CRLF2: variants seen among roughly 807,000 people sequenced by gnomAD.
CRLF2 encodes cytokine receptor-like factor 2.
In CRLF2, 41 loss-of-function variants were observed where a neutral mutation model predicts 38.7. The observed-to-expected ratio is 1.06, with a 90% confidence interval of 0.83 to 1.37. CRLF2 has a LOEUF of 1.37. CRLF2 is among the 40% of genes most tolerant of loss of function. The pLI, the probability that CRLF2 is intolerant of heterozygous loss-of-function variation, is 0.00. For synonymous variants in CRLF2, 140 were observed against 128.8 expected (o/e 1.09, Z -0.59); for missense variants, 377 against 322.2 (o/e 1.17, Z -1.30).
At chrX:1,201,519 TGAGA>T (rs1555888113) in intron 4 of CRLF2, among the ~76,000 whole-genome samples, 1 of 9,942 alleles carries the variant, frequency 1.0e-4, no homozygotes, top group African/African-American at 2.7e-4. Flanking sequence ...GATAGAGCGA[TGAGA>T]GAGAGATAGA....
At chrX:1,207,039 G>A (rs1452372507) in intron 2 of CRLF2, among the ~76,000 whole-genome samples, 4 of 149,252 alleles carry the variant, frequency 2.7e-5, no homozygotes, top group Non-Finnish European at 4.4e-5. Flanking sequence ...TCTGCCTCCC[G>A]GGTTCAAGCG....
At position 1,196,772 on chromosome X, in the gene CRLF2, A is replaced by T; in HGVS notation, c.767+8T>A. ...CCTCCACCCACGGGCGGCAGGAGTC[A>T]TCCTTACCTCCATAATTTCCATAAA... On this transcript the variant is annotated splice_region_variant and intron_variant, in intron 6 of 7. Coordinates refer to ENST00000400841, the MANE Select transcript of CRLF2 (RefSeq NM_022148.4). The T allele has an allele frequency of 6.2e-7, 1 of 1,613,244 alleles. No individual in the cohort carries two copies. The highest frequency in any genetic ancestry group is 1.1e-5 in the South Asian group (1 of 91,026).
intron 4 of CRLF2, 73 bp downstream of exon 4, chrX:1,202,329 A>G (rs2086621745): frequency 6.3e-7 from 1 of 1,582,152 alleles, no homozygotes; most frequent in Non-Finnish European, 8.7e-7. Flanking sequence ...GTCTGATGAA[A>G]CAGCGAATCC....
intron 1 of CRLF2, 56 bp downstream of exon 1, chrX:1,212,500 T>C (rs2086822940): frequency 8.1e-7 from 1 of 1,229,502 alleles, no homozygotes; most frequent in African/African-American, 1.5e-5. Flanking sequence ...GAGTGCCTGG[T>C]TGCAAAGCAA....
intron 1 of CRLF2, among the ~76,000 whole-genome samples, chrX:1,209,820 C>T (rs1355675362): frequency 6.6e-6 from 1 of 151,838 alleles, no homozygotes; most frequent in Non-Finnish European, 1.5e-5. Context: ...CAGAAATGGA[C>T]TGGCCAGGTG....
rs1299827812 is a variant in CRLF2, at chrX:1,210,118, AAAGAAAAGAAAAG to A, written c.80-1223_80-1211del. 1.7e-4 allele frequency among the ~76,000 whole-genome samples: 8 copies of A among 48,010 alleles called. 1 individual carries two copies. The highest frequency in any genetic ancestry group is 2.3e-4 in the Non-Finnish European group (6 of 26,408). 31.5% of individuals were successfully genotyped at this position (48,010 alleles called of 152,430 possible). On this transcript the variant is annotated intron_variant, in intron 1 of 7. Coordinates refer to ENST00000400841, the MANE Select transcript of CRLF2 (RefSeq NM_022148.4). ...GACTCCCTATCAAAAAAAAAAAAGA[AAAGAAAAGAAAAG>A]AAAAGAAAAGAAAAGAAATGGGCCA...
chrX:1,195,929 C>A (rs1253777927), intron 6 of CRLF2, among the ~76,000 whole-genome samples: 91 of 137,208 alleles, frequency 6.6e-4, no homozygotes, highest in African/African-American at 2.3e-3. Flanking sequence ...ATATAGATTA[C>A]ATTAAATATA....
At chrX:1,197,011 T>G in intron 5 of CRLF2, 111 bp from the exon 6 acceptor site, 3 of 938,158 alleles carry the variant, frequency 3.2e-6, no homozygotes, top group Non-Finnish European at 4.5e-6. Context: ...TTTTTGGTGT[T>G]CGTTTTTTTT....
At chrX:1,201,496 A>T (rs1476479611) in intron 4 of CRLF2, among the ~76,000 whole-genome samples, 1 of 115,034 alleles carries the variant, frequency 8.7e-6, no homozygotes, top group Non-Finnish European at 1.9e-5. Context: ...AGATAGATAG[A>T]TGATACATAG....
Position 1,198,590 on chromosome X carries a change from C to G in CRLF2, c.618G>C (p.Val206=). Reference sequence around the variant, plus strand: ...GAATCTCGCCTCTCTGCCAGCATGTCACCTCTGACCAGTCGCTTGGGTATG... The same window carrying G: ...GAATCTCGCCTCTCTGCCAGCATGTGACCTCTGACCAGTCGCTTGGGTATG... ...PDTYPSDWSE[V]TCWQRGEIRD... is the part of the protein sequence containing the mutation. The change falls in exon 5 of 8, where the codon GTG becomes GTC. Residue 206 remains valine, a synonymous_variant. Transcript: ENST00000400841. 1 of 1,613,730 alleles carries G rather than the reference C, an allele frequency of 6.2e-7. No individual in the cohort carries two copies. Among genetic ancestry groups the G allele is most frequent in the Non-Finnish European group, 8.5e-7 (1 of 1,179,706 alleles).
At chrX:1,194,050 G>T (rs1438292315) in intron 6 of CRLF2, among the ~76,000 whole-genome samples, 2 of 151,900 alleles carry the variant, frequency 1.3e-5, no homozygotes, top group Non-Finnish European at 2.9e-5. Flanking sequence ...GCTTGAACCT[G>T]GGGGGCAGAG....
At chrX:1,209,284 TTGCATTGTATTGTAGTGTAGTGTAG>T (rs1267413325) in intron 1 of CRLF2, among the ~76,000 whole-genome samples, 4 of 129,616 alleles carry the variant, frequency 3.1e-5, no homozygotes, top group African/African-American at 1.1e-4. Context: ...TTGCATTGTA[TTGCATTGTATTGTAGTGTAGTGTAG>T]TGTAGTGTAG....
Position 1,191,163 on chromosome X carries a change from A to G in CRLF2, c.853-3T>C. Reference sequence around the variant, plus strand: ...TTCTGGGTGTCTGTGATCCACTCCTACCAGGAAGAACATTCTAGCTCAAAC... The same window carrying G: ...TTCTGGGTGTCTGTGATCCACTCCTGCCAGGAAGAACATTCTAGCTCAAAC... On this transcript the variant is annotated splice_region_variant and splice_polypyrimidine_tract_variant and intron_variant, in intron 7 of 7. Coordinates refer to ENST00000400841, the MANE Select transcript of CRLF2 (RefSeq NM_022148.4). 5.0e-6 allele frequency: 2 copies of G among 398,646 alleles called. No homozygotes were observed. The highest frequency in any genetic ancestry group is 8.8e-6 in the Non-Finnish European group (2 of 226,166). The allele number at this position is 398,646 out of a possible 1,614,324, so 24.7% of individuals were successfully genotyped here.
At position 1,200,199 on chromosome X, in the gene CRLF2, G is replaced by A. The variant is rs181127937; in HGVS notation, c.484-1475C>T. On this transcript the variant is annotated intron_variant, in intron 4 of 7. Coordinates refer to ENST00000400841, the MANE Select transcript of CRLF2 (RefSeq NM_022148.4). ...CTGTGTATATAAGCTGTGTATATGTGTGTATGTGTGTGTATATACGGTGTG... is the reference window on the plus strand; with the variant it reads ...CTGTGTATATAAGCTGTGTATATGTATGTATGTGTGTGTATATACGGTGTG... Among the ~76,000 whole-genome samples, 3 of 151,296 alleles carry A rather than the reference G, an allele frequency of 2.0e-5. No homozygotes were observed. In the East Asian group the frequency reaches 5.8e-4, roughly 29 times the overall value.
chrX:1,197,411 A>G (rs1297662742), intron 5 of CRLF2, among the ~76,000 whole-genome samples: 2 of 152,068 alleles, frequency 1.3e-5, no homozygotes, highest in Non-Finnish European at 2.9e-5. Flanking sequence ...AAGTAAGGGC[A>G]GGTCCAACAT....
At chrX:1,208,053 T>C (rs74539538) in intron 2 of CRLF2, among the ~76,000 whole-genome samples, 75,158 of 152,028 alleles carry the variant, frequency 0.49, 20,508 homozygotes, top group African/African-American at 0.73. Context: ...GCAATGTTCG[T>C]ACGCATACTT....
chrX:1,210,668 C>A (rs1270946198), intron 1 of CRLF2, among the ~76,000 whole-genome samples: 1 of 152,122 alleles, frequency 6.6e-6, no homozygotes, highest in Non-Finnish European at 1.5e-5. Flanking sequence ...TACAGTGAAC[C>A]TTGTCATGTT....
intron 4 of CRLF2, chrX:1,199,287 T>G (rs1455468176): frequency 6.6e-6 from 1 of 151,756 alleles, no homozygotes; most frequent in Non-Finnish European, 1.5e-5. Flanking sequence ...TGTATTTACT[T>G]TATTATTATT....
At chrX:1,209,392 C>T (rs765052680) in intron 1 of CRLF2, among the ~76,000 whole-genome samples, 39 of 151,394 alleles carry the variant, frequency 2.6e-4, no homozygotes, top group African/African-American at 7.3e-4. Flanking sequence ...ACTGCAGTGG[C>T]GCAATCTCGG....
Sources: allele counts gnomAD v4.1 joint callset (sites outside exome capture counted in the v4.1 genomes callset), GRCh38; gene constraint gnomAD v4.1.1; transcripts MANE v1.5; gene names NCBI Gene and HGNC (gene_info 2026-07-23, HGNC 2026-07-21).